ADRA1B: variants seen among roughly 807,000 people sequenced by gnomAD.
ADRA1B encodes the protein alpha-1B adrenergic receptor.
A neutral mutation model predicts 17.9 loss-of-function variants in ADRA1B; 17 were observed. That is an observed-to-expected ratio of 0.95 (90% CI 0.65 to 1.42). The LOEUF (loss-of-function observed/expected upper bound fraction) is 1.42, where lower values mean the gene tolerates loss of function less well. ADRA1B is among the 40% of genes most tolerant of loss of function. The pLI is 0.00. For missense variants in ADRA1B, 681 were observed against 722.1 expected, an observed-to-expected ratio of 0.94 and a Z score of 0.65; for synonymous variants, 366 against 327.6, an observed-to-expected ratio of 1.12 and a Z score of -1.27.
At chr5:159,914,091 G>A (rs953995080), upstream of ADRA1B, among the ~76,000 whole-genome samples, 1 of 152,154 alleles carries the variant, frequency 6.6e-6, no homozygotes, top group Non-Finnish European at 1.5e-5. Context: ...TGAGAGAAAG[G>A]ATAGCAGGTG....
chr5:159,917,125 C>T lies in ADRA1B; in HGVS notation c.220C>T (p.Arg74Trp), dbSNP rs1561590154. ...AGTCATCTTGTCTGTGGCCTGCAAC[C>T]GGCACCTGCGGACGCCCACCAACTA... ...ILVILSVACN[R>W]HLRTPTNYFI... Residue 74 changes from arginine (R) to tryptophan (W), a missense_variant, in exon 1 of 2, where the codon CGG (arginine) becomes TGG (tryptophan). Physicochemically the swap from Arg to Trp is moderately radical, Grantham distance 101. Coordinates refer to ENST00000306675, the MANE Select transcript of ADRA1B (RefSeq NM_000679.4). 1 of 1,614,068 alleles carries T rather than the reference C, an allele frequency of 6.2e-7. No individual in the cohort carries two copies. Among genetic ancestry groups the T allele is most frequent in the Non-Finnish European group, 8.5e-7 (1 of 1,180,008 alleles).
chr5:159,926,706 G>A (rs891245241), intron 1 of ADRA1B, among the ~76,000 whole-genome samples: 20 of 152,046 alleles, frequency 1.3e-4, no homozygotes, highest in Admixed American at 1.3e-4. Flanking sequence ...GGCCAACATG[G>A]TGAAACCCTG....
chr5:159,867,720 G>A (rs1488476076), intron 1 of ADRA1B: 1 of 152,176 alleles, frequency 6.6e-6, no homozygotes, highest in Non-Finnish European at 1.5e-5. Context: ...GGAGACCACT[G>A]TTCTTTACTT....
At chr5:159,950,895 G>C in intron 1 of ADRA1B, 1 of 576,728 alleles carries the variant, frequency 1.7e-6, no homozygotes, top group Non-Finnish European at 3.3e-6. Flanking sequence ...ATGTTCTGGA[G>C]AGCCCCGCAG....
downstream of ADRA1B, among the ~76,000 whole-genome samples, chr5:159,976,560 G>C (rs934879130): frequency 6.6e-6 from 1 of 151,622 alleles, no homozygotes; most frequent in African/African-American, 2.4e-5. Context: ...CCAGCTACTC[G>C]GGAGGCTAAG....
chr5:159,874,795 A>G (rs867030431), intron 1 of ADRA1B, among the ~76,000 whole-genome samples: 3 of 152,218 alleles, frequency 2.0e-5, no homozygotes, highest in Non-Finnish European at 4.4e-5. Context: ...TGGTCTAACA[A>G]AGGTCTAAAA....
intron 1 of ADRA1B, chr5:159,869,206 C>T (rs1753704731): frequency 6.6e-6 from 1 of 152,234 alleles, no homozygotes; most frequent in South Asian, 2.1e-4. Context: ...GAGCTGAATA[C>T]TCCTACTCTA....
rs767558240 is a variant in ADRA1B, at chr5:159,917,437, A to C, written c.532A>C (p.Ile178Leu). The C allele has an allele frequency of 6.2e-7, 1 of 1,614,136 alleles. No individual in the cohort carries two copies. Among genetic ancestry groups the C allele is most frequent in the Non-Finnish European group, 8.5e-7 (1 of 1,180,026 alleles). ...SVWVLSTVIS[I>L]GPLLGWKEPA... Reference sequence around the variant, plus strand: ...CTGGGTCTTGTCCACCGTCATCTCCATCGGGCCTCTCCTTGGGTGGAAGGA... The same window carrying C: ...CTGGGTCTTGTCCACCGTCATCTCCCTCGGGCCTCTCCTTGGGTGGAAGGA... The change falls in exon 1 of 2, where the codon ATC becomes CTC. Residue 178 changes from isoleucine to leucine, a missense_variant. By Grantham distance (5) the Ile-to-Leu change is conservative (BLOSUM62 2). This residue lies in a region of ADRA1B where 424 missense variants were observed against 480.2 expected (regional missense o/e 0.88). Coordinates refer to ENST00000306675, the MANE Select transcript of ADRA1B (RefSeq NM_000679.4).
At chr5:159,928,474 C>T (rs771413071) in intron 1 of ADRA1B, among the ~76,000 whole-genome samples, 4 of 152,162 alleles carry the variant, frequency 2.6e-5, no homozygotes, top group East Asian at 1.9e-4. Flanking sequence ...GTTGCACCAA[C>T]GAGCAGTTCA....
At chr5:159,962,421 C>G (rs913670497) in intron 1 of ADRA1B, among the ~76,000 whole-genome samples, 10 of 152,092 alleles carry the variant, frequency 6.6e-5, no homozygotes, top group African/African-American at 2.2e-4. Context: ...TTTCAAACCT[C>G]TCAAATCATC....
chr5:159,926,835 C>G (rs1191177833), intron 1 of ADRA1B, among the ~76,000 whole-genome samples: 1 of 151,964 alleles, frequency 6.6e-6, no homozygotes, highest in Non-Finnish European at 1.5e-5. Context: ...TACAGTGAGC[C>G]AAGATTGCAC....
intron 1 of ADRA1B, among the ~76,000 whole-genome samples, chr5:159,936,722 G>A (rs1480052753): frequency 6.6e-6 from 1 of 151,998 alleles, no homozygotes; most frequent in Non-Finnish European, 1.5e-5. Context: ...AAATAAATAA[G>A]GCATCAAAAT....
At chr5:159,873,960 C>A (rs1394562795) in intron 1 of ADRA1B, among the ~76,000 whole-genome samples, 2 of 152,120 alleles carry the variant, frequency 1.3e-5, no homozygotes, top group Non-Finnish European at 2.9e-5. Context: ...AACCCCACCT[C>A]TTTGTTTTTT....
chr5:159,955,047 T>C (rs911277744), intron 1 of ADRA1B: 2 of 660,502 alleles, frequency 3.0e-6, no homozygotes, highest in African/African-American at 4.0e-5. Flanking sequence ...GAGAATGGCA[T>C]GCATTCAGCA....
intron 1 of ADRA1B, among the ~76,000 whole-genome samples, chr5:159,956,000 T>A (rs1755544238): frequency 6.6e-6 from 1 of 152,204 alleles, no homozygotes; most frequent in African/African-American, 2.4e-5. Context: ...CCCAGCATTT[T>A]GGGAGGCTGA....
chr5:159,975,632 G>A (rs537079377), downstream of ADRA1B, among the ~76,000 whole-genome samples: 20 of 152,332 alleles, frequency 1.3e-4, no homozygotes, highest in Middle Eastern at 3.4e-3. Flanking sequence ...ATAGAGAGGC[G>A]GTAGCAGCCT....
chr5:159,873,615 C>T (rs1490056591), intron 1 of ADRA1B, among the ~76,000 whole-genome samples: 6 of 152,240 alleles, frequency 3.9e-5, no homozygotes, highest in African/African-American at 1.4e-4. Flanking sequence ...CTGACTATGA[C>T]AGCCTATGAC....
chr5:159,869,583 A>C (rs1424973741), intron 1 of ADRA1B: 1 of 152,268 alleles, frequency 6.6e-6, no homozygotes, highest in Non-Finnish European at 1.5e-5. Flanking sequence ...ACATGTTTGC[A>C]CTGGCTAGGC....
intron 1 of ADRA1B, among the ~76,000 whole-genome samples, chr5:159,910,105 G>T (rs114974104): frequency 1.1e-4 from 17 of 152,128 alleles, no homozygotes; most frequent in Non-Finnish European, 1.9e-4. Flanking sequence ...ATACAAACAG[G>T]TTTAAATTAT....
Sources: allele counts gnomAD v4.1 joint callset (sites outside exome capture counted in the v4.1 genomes callset), GRCh38; gene constraint gnomAD v4.1.1; regional missense constraint gnomAD v4.1.1; transcripts MANE v1.5; gene names NCBI Gene and HGNC (gene_info 2026-07-23, HGNC 2026-07-21).